The following HECTD4 variants were observed in gnomAD, a reference collection of about 807,000 sequenced individuals.
HECTD4 encodes HECT domain E3 ubiquitin protein ligase 4, also known as probable E3 ubiquitin-protein ligase HECTD4.
Under a neutral mutation model 471.5 loss-of-function variants are expected in HECTD4, and 114 were observed. That is an observed-to-expected ratio of 0.24 (90% CI 0.21 to 0.28). HECTD4 has a LOEUF of 0.28. Ranked by LOEUF, HECTD4 falls within the 10% of genes least tolerant of loss-of-function variation. The pLI is 1.00. For missense variants in HECTD4, 3,866 were observed against 5,651.5 expected, an observed-to-expected ratio of 0.68 and a Z score of 10.13; for synonymous variants, 2,012 against 2,256.0, an observed-to-expected ratio of 0.89 and a Z score of 3.07.
chr12:112,217,075 G>T lies in HECTD4; in HGVS notation c.7195C>A (p.Arg2399=), dbSNP rs776822118. The change falls in exon 46 of 76, where the codon CGG becomes AGG. Residue 2399 remains arginine (R), a synonymous_variant. Transcript: ENST00000682272. ...GAAGTGGCATAGATAAAAGTGCCCC[G>T]GGGCAGGCCTCCCCCAGCGCTGGGG... is the stretch of plus-strand genomic sequence containing the variant. ...ADPSAGGGLP[R]GTFIYATSPL... 3 of 1,585,106 alleles carry T rather than the reference G, an allele frequency of 1.9e-6. No individual in the cohort carries two copies. Among genetic ancestry groups the T allele is most frequent in the Non-Finnish European group, 2.6e-6 (3 of 1,165,140 alleles).
chr12:112,281,796 A>T (rs888862415), intron 8 of HECTD4, among the ~76,000 whole-genome samples: 1 of 152,214 alleles, frequency 6.6e-6, no homozygotes, highest in African/African-American at 2.4e-5. Flanking sequence ...GCATAAGATT[A>T]CACTGAATTC....
At position 112,163,509 on chromosome 12, in the gene HECTD4, C is replaced by T; in HGVS notation, c.12897+33G>A. ...AGGGAGGCACGCCTGGGGCTCACCA[C>T]CTCCCCGCCCAGCCTGGCCCTGGGA... On this transcript the variant is annotated intron_variant, in intron 74 of 75. Coordinates refer to ENST00000682272, the MANE Select transcript of HECTD4 (RefSeq NM_001388303.1). This position sits in a 1 kb window ranked among gnomAD's most constrained non-coding sequence, Gnocchi z 8.2. The T allele has an allele frequency of 6.9e-7, 1 of 1,444,884 alleles. No homozygotes were observed. The highest frequency in any genetic ancestry group is 2.5e-5 in the East Asian group (1 of 39,252). The allele number at this position is 1,444,884 out of a possible 1,614,324, so 89.5% of individuals were successfully genotyped here. A position where few individuals can be genotyped will look rare whatever the true frequency, so the allele number is the denominator to read the frequency against.
intron 62 of HECTD4, among the ~76,000 whole-genome samples, chr12:112,182,102 A>AAG (rs1365815202): frequency 4.0e-5 from 6 of 151,794 alleles, no homozygotes; most frequent in African/African-American, 1.2e-4. Flanking sequence ...TAAAAAAAAA[A>AAG]AGATTACAAT....
Position 112,239,910 on chromosome 12 carries a change from A to G in HECTD4, c.5076T>C (p.Ile1692=), listed in dbSNP as rs2033597817. The G allele has an allele frequency of 1.9e-6, 3 of 1,613,934 alleles. No individual in the cohort carries two copies. Among genetic ancestry groups the G allele is most frequent in the Non-Finnish European group, 2.5e-6 (3 of 1,179,894 alleles). Residue 1692 remains isoleucine (I), a synonymous_variant, in exon 33 of 76, where the codon ATT becomes ATC. Coordinates refer to ENST00000682272, the MANE Select transcript of HECTD4 (RefSeq NM_001388303.1). The surrounding 1 kb of genome is among the most constrained non-coding windows in gnomAD (Gnocchi z 4.9). ...ARYPIACANS[I]GLLCTIPYTR... ...TGTAAGGTATGGTACATAAGAGTCC[A>G]ATGCTATTTGCGCAAGCGATAGGGT...
intron 1 of HECTD4, among the ~76,000 whole-genome samples, chr12:112,367,622 C>G (rs2036589949): frequency 6.6e-6 from 1 of 151,756 alleles, no homozygotes; most frequent in South Asian, 2.1e-4. Flanking sequence ...GAGTTCAAGA[C>G]CAGCCTGGCC....
intron 1 of HECTD4, among the ~76,000 whole-genome samples, chr12:112,330,764 T>C (rs1321375777): frequency 1.3e-5 from 2 of 152,246 alleles, no homozygotes; most frequent in African/African-American, 4.8e-5. Flanking sequence ...GGCTTACACC[T>C]GGTTTCCACT....
In HECTD4 at chr12:112,248,407, T is replaced by C. The variant is rs373722503; in HGVS notation, c.4056A>G (p.Gln1352=). Residue 1352 remains glutamine (Q), a synonymous_variant, in exon 26 of 76, where the codon CAA becomes CAG. Coordinates refer to ENST00000682272, the MANE Select transcript of HECTD4 (RefSeq NM_001388303.1). ...ALQSLINFQY[Q]EEHAEEYDLL... is the part of the protein sequence containing the mutation. Reference sequence around the variant, plus strand: ...AATCATATTCTTCAGCATGTTCTTCTTGATATTGGAAATTTATTAGAGACT... The same window carrying C: ...AATCATATTCTTCAGCATGTTCTTCCTGATATTGGAAATTTATTAGAGACT... 2.2e-5 allele frequency: 36 copies of C among 1,611,344 alleles called. No individual in the cohort carries two copies. The highest frequency in any genetic ancestry group is 3.0e-5 in the Non-Finnish European group (35 of 1,178,034).
Position 112,163,687 on chromosome 12 carries a change from C to T in HECTD4, c.12752G>A (p.Arg4251Gln), listed in dbSNP as rs545772641. 6.5e-5 allele frequency: 99 copies of T among 1,519,114 alleles called. No homozygotes were observed. The highest frequency in any genetic ancestry group is 4.9e-4 in the South Asian group (39 of 79,472). The allele number at this position is 1,519,114 out of a possible 1,614,324, so 94.1% of individuals were successfully genotyped here. A position where few individuals can be genotyped will look rare whatever the true frequency, so the allele number is the denominator to read the frequency against. ...YAAAIRSLRL[R>Q]ELQNVECVTA... ...CACGCACTCCACATTCTGCAGCTCC[C>T]GCAGCCGCAGGCTCCGGATGGCTGC... Residue 4251 changes from arginine (R) to glutamine (Q), a missense_variant, in exon 74 of 76, where the codon CGG becomes CAG. Physicochemically the swap from Arg to Gln is conservative, Grantham distance 43 (BLOSUM62 1). Transcript: ENST00000682272. This position sits in a 1 kb window ranked among gnomAD's most constrained non-coding sequence, Gnocchi z 8.2.
Position 112,283,262 on chromosome 12 carries a change from C to T in HECTD4, c.1376G>A (p.Arg459His), listed in dbSNP as rs544019388. The part of the protein sequence containing the change: ...GVFVANPLQE[R>H]TILMRKEGES... Reference sequence around the variant, plus strand: ...GCCCTCTTTTCTCATTAGAATTGTACGTTCCTGAAGTGGGTTGGCTACAAA... The same window carrying T: ...GCCCTCTTTTCTCATTAGAATTGTATGTTCCTGAAGTGGGTTGGCTACAAA... The change falls in exon 8 of 76, where the codon CGT becomes CAT. Residue 459 changes from arginine to histidine, a missense_variant. By Grantham distance (29) the Arg-to-His change is conservative. Transcript: ENST00000682272. 2.1e-5 allele frequency: 34 copies of T among 1,613,236 alleles called. No homozygotes were observed. Among genetic ancestry groups the T allele is most frequent in the East Asian group, 1.6e-4 (7 of 44,866 alleles).
At position 112,217,322 on chromosome 12, in the gene HECTD4, C is replaced by T. The variant is rs11066197; in HGVS notation, c.7075-127G>A. On this transcript the variant is annotated intron_variant, in intron 45 of 75. Transcript: ENST00000682272. Reference sequence around the variant, plus strand: ...GCATACACACACACACACACATACACACACACACACACATACACACACACA... The same window carrying T: ...GCATACACACACACACACACATACATACACACACACACATACACACACACA... The T allele has an allele frequency of 9.3e-4, 470 of 504,594 alleles. 3 individuals carry two copies. The highest frequency in any genetic ancestry group is 8.9e-3 in the East Asian group (201 of 22,532). 31.3% of individuals were successfully genotyped at this position (504,594 alleles called of 1,614,324 possible). A position where few individuals can be genotyped will look rare whatever the true frequency, so the allele number is the denominator to read the frequency against.
chr12:112,285,673 G>T (rs1045508369), intron 7 of HECTD4, among the ~76,000 whole-genome samples: 2 of 151,816 alleles, frequency 1.3e-5, no homozygotes, highest in African/African-American at 4.8e-5. Flanking sequence ...AACAGATCAG[G>T]GCCCTCCCCC....
rs139695275 is a variant in HECTD4 at position 112,162,753 on chromosome 12, C to T, written c.13121-230G>A. 441 of 560,576 alleles carry T rather than the reference C, an allele frequency of 7.9e-4. 1 individual carries two copies. The highest frequency in any genetic ancestry group is 7.1e-3 in the African/African-American group (372 of 52,704). The allele number at this position is 560,576 out of a possible 1,614,324, so 34.7% of individuals were successfully genotyped here. A position where few individuals can be genotyped will look rare whatever the true frequency, so the allele number is the denominator to read the frequency against. On this transcript the variant is annotated intron_variant, in intron 75 of 75. Transcript: ENST00000682272. This position sits in a 1 kb window ranked among gnomAD's most constrained non-coding sequence, Gnocchi z 5.2. ...GCCAAACTGCTGATGGGTTTGTCTG[C>T]CCAGCAAATTGTTTCTTTTTTTTTT...
intron 45 of HECTD4, among the ~76,000 whole-genome samples, chr12:112,217,447 G>C (rs751643761): frequency 8.5e-5 from 13 of 152,116 alleles, no homozygotes; most frequent in Non-Finnish European, 1.3e-4. Flanking sequence ...TCAAGCTCCT[G>C]GGCTCAAGTG....
At chr12:112,242,877 C>T (rs2033674281) in intron 32 of HECTD4, among the ~76,000 whole-genome samples, 1 of 152,166 alleles carries the variant, frequency 6.6e-6, no homozygotes, top group South Asian at 2.1e-4. Flanking sequence ...TGCTGCTGCA[C>T]TCCAGCCTTG....
chr12:112,229,164 T>C (rs901210247), intron 41 of HECTD4, among the ~76,000 whole-genome samples: 70 of 151,932 alleles, frequency 4.6e-4, no homozygotes, highest in African/African-American at 1.6e-3. Flanking sequence ...CCATCTCTAT[T>C]AAAAATACAA....
chr12:112,165,730 T>C (rs571892587), intron 72 of HECTD4, among the ~76,000 whole-genome samples: 1 of 152,350 alleles, frequency 6.6e-6, no homozygotes, highest in Non-Finnish European at 1.5e-5. Flanking sequence ...CAGACAGCCC[T>C]GACTTAGTCC....
chr12:112,252,515 G>T lies in HECTD4; in HGVS notation c.3461C>A (p.Thr1154Lys). The T allele has an allele frequency of 6.2e-7, 1 of 1,609,596 alleles. No homozygotes were observed. Among genetic ancestry groups the T allele is most frequent in the Non-Finnish European group, 8.5e-7 (1 of 1,176,926 alleles). ...TCTCATTTCAAAGGAGAAGGTGACT[G>T]TATCTCCTTCCACCTTAAAATTTAA... Reference protein sequence around the residue: ...PKDLVKVEGDTVTFSFEMRSG... With the variant: ...PKDLVKVEGDKVTFSFEMRSG... The change falls in exon 23 of 76, where the codon ACA becomes AAA. Residue 1154 changes from threonine to lysine, a missense_variant. Thr to Lys is a moderately conservative substitution (Grantham distance 78). This residue lies in a region of HECTD4 where 281 missense variants were observed against 499.9 expected (regional missense o/e 0.56). Coordinates refer to ENST00000682272, the MANE Select transcript of HECTD4 (RefSeq NM_001388303.1).
At chr12:112,192,902 CT>C (rs1217799148) in intron 58 of HECTD4, 137 bp from the exon 59 acceptor site, 5 of 1,206,602 alleles carry the variant, frequency 4.1e-6, no homozygotes, top group Non-Finnish European at 3.5e-6. Flanking sequence ...GAAGGTCATT[CT>C]TTATAGACTA....
intron 7 of HECTD4, chr12:112,301,800 G>GT (rs35700397): frequency 0.07 from 32,325 of 459,704 alleles, 103 homozygotes; most frequent in Non-Finnish European, 0.088. Flanking sequence ...TCAGCTAGCT[G>GT]TTTTTTTTTT....
Sources: gnomAD v4.1 joint callset for allele counts (sites outside exome capture counted in the v4.1 genomes callset) on GRCh38, gnomAD v4.1.1 for gene constraint, gnomAD v4.1.1 regional missense constraint, Gnocchi (gnomAD v3.1) non-coding constraint, MANE v1.5 for transcripts, NCBI Gene and HGNC (gene_info 2026-07-23, HGNC 2026-07-21) for gene names.